The following DGLUCY variants were observed in gnomAD, a reference collection of about 807,000 sequenced individuals.
The protein encoded by DGLUCY is D-glutamate cyclase, also known as D-glutamate cyclase, mitochondrial.
In DGLUCY, 58 loss-of-function variants were observed where a neutral mutation model predicts 58.5. That is an observed-to-expected ratio of 0.99 (90% CI 0.80 to 1.23). The LOEUF (loss-of-function observed/expected upper bound fraction) is 1.23, where lower values mean the gene tolerates loss of function less well. DGLUCY is among the 50% of genes most tolerant of loss of function. The probability of loss-of-function intolerance (pLI) is 0.00; values close to 1 mark genes in which losing one functional copy is unlikely to be tolerated. For missense variants in DGLUCY, 779 were observed against 784.7 expected (o/e 0.99, Z 0.09); for synonymous variants, 325 against 314.1 (o/e 1.03, Z -0.37).
exon 1 of DGLUCY, chr14:91,060,538 G>A (rs1481270968): frequency 8.2e-7 from 1 of 1,220,868 alleles, no homozygotes; most frequent in Non-Finnish European, 1.0e-6. Context: ...GAGTCGGGGT[G>A]CGGCGGCTCC....
At chr14:91,104,136 C>T (rs2044545557), upstream of DGLUCY, among the ~76,000 whole-genome samples, 1 of 137,238 alleles carries the variant, frequency 7.3e-6, no homozygotes, top group South Asian at 2.3e-4. Flanking sequence ...GATCTCGGCT[C>T]ACTGCAAGCT....
intron 1 of DGLUCY, among the ~76,000 whole-genome samples, chr14:91,082,659 G>A (rs2044146550): frequency 6.6e-6 from 1 of 152,158 alleles, no homozygotes; most frequent in Non-Finnish European, 1.5e-5. Flanking sequence ...ATTAAAGGCA[G>A]GCTGAAGGAT....
intron 9 of DGLUCY, among the ~76,000 whole-genome samples, chr14:91,193,916 A>G (rs998860090): frequency 6.6e-6 from 1 of 151,836 alleles, no homozygotes; most frequent in Admixed American, 6.6e-5. Flanking sequence ...GAGCATAGAC[A>G]GACCATAGCT....
intron 13 of DGLUCY, among the ~76,000 whole-genome samples, chr14:91,218,404 A>ATTTTTTTTTT (rs35615811): frequency 6.8e-6 from 1 of 145,988 alleles, no homozygotes; most frequent in Non-Finnish European, 1.5e-5. Context: ...TAAAATGGGG[A>ATTTTTTTTTT]TTTTTTTTTT....
chr14:91,224,554 A>G (rs1887953558), intron 13 of DGLUCY, 130 bp from the exon 14 acceptor site: 8 of 1,090,102 alleles, frequency 7.3e-6, no homozygotes, highest in South Asian at 5.5e-5. Flanking sequence ...AGTACTTTAA[A>G]CCAAAATTTT....
At chr14:91,185,284 T>A (rs1459281712) in intron 8 of DGLUCY, among the ~76,000 whole-genome samples, 1 of 134,458 alleles carries the variant, frequency 7.4e-6, no homozygotes, top group African/African-American at 2.9e-5. Context: ...TTTTTTTTTT[T>A]TTTTTTTTTT....
chr14:91,154,395 A>C (rs747822184), intron 1 of DGLUCY, among the ~76,000 whole-genome samples: 3 of 152,086 alleles, frequency 2.0e-5, no homozygotes, highest in Non-Finnish European at 4.4e-5. Flanking sequence ...TCAGATATGC[A>C]TTTGTCTCAG....
intron 1 of DGLUCY, among the ~76,000 whole-genome samples, chr14:91,087,114 G>A (rs954206836): frequency 5.9e-5 from 9 of 152,182 alleles, no homozygotes; most frequent in Non-Finnish European, 1.2e-4. Flanking sequence ...CAAGATTGAT[G>A]TCAGCTGGTC....
At chr14:91,121,744 T>C (rs1248622802) in intron 1 of DGLUCY, among the ~76,000 whole-genome samples, 1 of 152,126 alleles carries the variant, frequency 6.6e-6, no homozygotes, top group East Asian at 1.9e-4. Flanking sequence ...TCAAGTATTT[T>C]TAAAATGCCT....
intron 9 of DGLUCY, among the ~76,000 whole-genome samples, chr14:91,190,670 G>A (rs2049828369): frequency 6.6e-6 from 1 of 152,058 alleles, no homozygotes; most frequent in African/African-American, 2.4e-5. Context: ...GTGGGTTTAA[G>A]AGAGGATGGC....
intron 1 of DGLUCY, among the ~76,000 whole-genome samples, chr14:91,157,399 T>C (rs2047723295): frequency 1.3e-5 from 2 of 152,214 alleles, no homozygotes; most frequent in Non-Finnish European, 2.9e-5. Context: ...TAGACCTGCT[T>C]TATTATTAGG....
chr14:91,072,119 T>C (rs1483079679), intron 1 of DGLUCY, among the ~76,000 whole-genome samples: 5 of 151,956 alleles, frequency 3.3e-5, no homozygotes, highest in Admixed American at 2.6e-4. Context: ...GCCCACGAGT[T>C]CAAGATCAGC....
chr14:91,160,294 G>A lies in DGLUCY; in HGVS notation c.-1G>A, dbSNP rs772426500. The A allele has an allele frequency of 2.5e-6, 4 of 1,609,946 alleles. No individual in the cohort carries two copies. Among genetic ancestry groups the A allele is most frequent in the African/African-American group, 1.3e-5 (1 of 74,608 alleles). On this transcript the variant is annotated 5_prime_UTR_variant, in exon 3 of 14. Coordinates refer to ENST00000256324, the MANE Select transcript of DGLUCY (RefSeq NM_001102368.3). Reference sequence around the variant, plus strand: ...CTCTGCTACTTATTCAAGTTGACACGATGCCCTTCACACTCCACCTGAGGT... The same window carrying A: ...CTCTGCTACTTATTCAAGTTGACACAATGCCCTTCACACTCCACCTGAGGT...
intron 9 of DGLUCY, among the ~76,000 whole-genome samples, chr14:91,195,089 A>G (rs1003540725): frequency 1.3e-5 from 2 of 152,058 alleles, no homozygotes; most frequent in Non-Finnish European, 2.9e-5. Flanking sequence ...GAGATTGAGG[A>G]GCTGGCTGAA....
chr14:91,110,112 C>G (rs1046669190), upstream of DGLUCY, among the ~76,000 whole-genome samples: 1 of 152,250 alleles, frequency 6.6e-6, no homozygotes, highest in African/African-American at 2.4e-5. Flanking sequence ...GATTATACTT[C>G]TACATTCTTT....
intron 8 of DGLUCY, among the ~76,000 whole-genome samples, chr14:91,182,248 T>C (rs370996151): frequency 7.9e-5 from 12 of 152,266 alleles, no homozygotes; most frequent in African/African-American, 2.2e-4. Context: ...CCCGAAGTGC[T>C]GGGATTGCAG....
chr14:91,187,810 T>C (rs538808046), intron 8 of DGLUCY, among the ~76,000 whole-genome samples: 1 of 152,194 alleles, frequency 6.6e-6, no homozygotes, highest in Non-Finnish European at 1.5e-5. Flanking sequence ...GAGCCCCAGT[T>C]GCCTTTGAAG....
chr14:91,114,049 C>G (rs568016480), upstream of DGLUCY: 21 of 152,526 alleles, frequency 1.4e-4, 1 homozygote, highest in Admixed American at 4.6e-4. Flanking sequence ...GGAGACCACG[C>G]TGCTGCATGG....
At chr14:91,178,001 G>T (rs954709910) in intron 7 of DGLUCY, among the ~76,000 whole-genome samples, 1 of 152,206 alleles carries the variant, frequency 6.6e-6, no homozygotes, top group Non-Finnish European at 1.5e-5. Context: ...TGGCCTCACC[G>T]CTTTCCCACC....
Sources: gnomAD v4.1 joint callset for allele counts (sites outside exome capture counted in the v4.1 genomes callset) on GRCh38, gnomAD v4.1.1 for gene constraint, MANE v1.5 for transcripts, NCBI Gene and HGNC (gene_info 2026-07-23, HGNC 2026-07-21) for gene names.